Variants in CEP152 observed in about 807,000 individuals in gnomAD.
The protein encoded by CEP152 is centrosomal protein of 152 kDa.
CEP152 carries 132 observed loss-of-function variants against 188.9 expected under a neutral mutation model. The observed-to-expected ratio is 0.70, with a 90% CI of 0.61 to 0.81. The LOEUF (loss-of-function observed/expected upper bound fraction) is 0.81, where lower values mean the gene tolerates loss of function less well. CEP152 is among the 30% of genes least tolerant of loss of function. The probability of loss-of-function intolerance (pLI) is 0.00; values close to 1 mark genes in which losing one functional copy is unlikely to be tolerated. For synonymous variants in CEP152, 649 were observed against 666.6 expected (o/e 0.97, Z 0.41); for missense variants, 1,914 against 1,969.8 (o/e 0.97, Z 0.54).
chr15:48,765,635 A>AT, intron 17 of CEP152: 6 of 305,972 alleles, frequency 2.0e-5, no homozygotes, highest in African/African-American at 3.6e-5. Context: ...TGTTCTTGCC[A>AT]ATTTTTTTTT....
At position 48,797,515 on chromosome 15, in the gene CEP152, C is replaced by A; in HGVS notation, c.326G>T (p.Arg109Ile). 4 of 1,614,104 alleles carry A rather than the reference C, an allele frequency of 2.5e-6. No individual in the cohort carries two copies. Among genetic ancestry groups the A allele is most frequent in the Non-Finnish European group, 3.4e-6 (4 of 1,179,992 alleles). Reference sequence around the variant, plus strand: ...AGGATGTCGGTCTTCAGTTTTACTTCTATTTTCTTCCCAGACATTACCACA... The same window carrying A: ...AGGATGTCGGTCTTCAGTTTTACTTATATTTTCTTCCCAGACATTACCACA... ...EKCGNVWEEN[R>I]SKTEDRHPVY... The change falls in exon 5 of 27, where the codon AGA (arginine) becomes ATA (isoleucine). Residue 109 changes from arginine to isoleucine, a missense_variant. By Grantham distance (97) the Arg-to-Ile change is moderately conservative. Coordinates refer to ENST00000380950, the MANE Select transcript of CEP152 (RefSeq NM_001194998.2).
rs746137339 is a variant in CEP152, at chr15:48,762,625, C to T, written c.2328G>A (p.Lys776=). Residue 776 remains lysine (K), a synonymous_variant, in exon 18 of 27, where the codon AAG becomes AAA. Transcript: ENST00000380950. ...IQQLEKEWQS[K]LDQTIKAMKK... ...TCATTGCCTTTATAGTTTGATCCAGCTTAGACTGCCACTCCTTTTCAAGCT... is the reference window on the plus strand; with the variant it reads ...TCATTGCCTTTATAGTTTGATCCAGTTTAGACTGCCACTCCTTTTCAAGCT... The T allele has an allele frequency of 6.2e-7, 1 of 1,613,938 alleles. No individual in the cohort carries two copies. Among genetic ancestry groups the T allele is most frequent in the Non-Finnish European group, 8.5e-7 (1 of 1,179,984 alleles).
intron 19 of CEP152, 141 bp downstream of exon 19, chr15:48,759,994 G>T: frequency 9.5e-7 from 1 of 1,053,930 alleles, no homozygotes. Context: ...ACACTTGCTA[G>T]GCTTTGAGCT....
intron 21 of CEP152, among the ~76,000 whole-genome samples, chr15:48,750,828 T>C (rs1330883119): frequency 6.6e-6 from 1 of 152,144 alleles, no homozygotes; most frequent in Non-Finnish European, 1.5e-5. Context: ...AATTAAAACA[T>C]TAAAAAAGAC....
intron 20 of CEP152, among the ~76,000 whole-genome samples, chr15:48,754,262 GTCACACAGATGA>G (rs1401127991): frequency 6.6e-6 from 1 of 152,080 alleles, no homozygotes; most frequent in East Asian, 1.9e-4. Flanking sequence ...GCCTCATTAA[GTCACACAGATGA>G]TCTTATACTG....
intron 24 of CEP152, among the ~76,000 whole-genome samples, chr15:48,742,434 G>A (rs1309492756): frequency 6.6e-6 from 1 of 152,076 alleles, no homozygotes; most frequent in Non-Finnish European, 1.5e-5. Context: ...TATTTCAATT[G>A]TACATTATGT....
chr15:48,771,139 G>GT (rs1895502654), intron 13 of CEP152, among the ~76,000 whole-genome samples: 1 of 151,990 alleles, frequency 6.6e-6, no homozygotes, highest in Non-Finnish European at 1.5e-5. Flanking sequence ...ATATGGAAGG[G>GT]TAAAAAAAAG....
intron 12 of CEP152, among the ~76,000 whole-genome samples, chr15:48,775,042 T>C (rs1595656587): frequency 1.3e-5 from 2 of 151,492 alleles, no homozygotes; most frequent in African/African-American, 4.9e-5. Context: ...CAATAGAGTA[T>C]AGAGGACAAG....
At position 48,762,496 on chromosome 15, in the gene CEP152, TG is replaced by T; in HGVS notation, c.2456del (p.Thr819LysfsTer6). On this transcript the variant is annotated frameshift_variant, in exon 18 of 27. Transcript: ENST00000380950. LOFTEE classifies it high-confidence loss of function. ...TCTCTTGTTCTAAGTTTTGCTGGAT[TG>T]TGCACTTCTGCTCTTCTATCATAAT... The part of the protein sequence containing the change: ...MAIMIEEQKC[T>X]IQQNLEQEKD... 1 of 1,614,128 alleles carries T rather than the reference TG, an allele frequency of 6.2e-7. No individual in the cohort carries two copies. Among genetic ancestry groups the T allele is most frequent in the East Asian group, 2.2e-5 (1 of 44,856 alleles).
intron 8 of CEP152, 127 bp from the exon 9 acceptor site, chr15:48,789,128 G>C (rs1423209077): frequency 1.2e-6 from 1 of 846,616 alleles, no homozygotes; most frequent in Non-Finnish European, 1.9e-6. Flanking sequence ...AGTAGAGAAG[G>C]GGTCTCCGCT....
At chr15:48,780,840 G>A (rs1156912740) in intron 12 of CEP152, among the ~76,000 whole-genome samples, 1 of 152,114 alleles carries the variant, frequency 6.6e-6, no homozygotes, top group East Asian at 1.9e-4. Context: ...CGCAGCAAGT[G>A]CTTCTGAAGT....
chr15:48,789,050 T>G (rs749468386), intron 8 of CEP152, 49 bp from the exon 9 acceptor site: 5 of 1,477,180 alleles, frequency 3.4e-6, no homozygotes, highest in East Asian at 4.5e-5. Flanking sequence ...CACAGAGTAT[T>G]TTAGCTCTGT....
chr15:48,776,123 C>T (rs1941105630), intron 12 of CEP152, among the ~76,000 whole-genome samples: 1 of 151,746 alleles, frequency 6.6e-6, no homozygotes, highest in Non-Finnish European at 1.5e-5. Context: ...ATGGGCAGCT[C>T]GTGGCAATAT....
At chr15:48,751,176 GTTTGTT>G (rs1007827675) in intron 21 of CEP152, among the ~76,000 whole-genome samples, 4 of 151,924 alleles carry the variant, frequency 2.6e-5, no homozygotes, top group African/African-American at 9.7e-5. Context: ...TTATTAATGT[GTTTGTT>G]TTTAAGGGAA....
chr15:48,772,280 G>T (rs201930708), intron 13 of CEP152, among the ~76,000 whole-genome samples: 1 of 152,010 alleles, frequency 6.6e-6, no homozygotes. Context: ...GCATAGTGGC[G>T]TGCGCCTGTG....
In CEP152 at chr15:48,802,110, A is replaced by G. The variant is rs947484357; in HGVS notation, c.87+3453T>C. Among the ~76,000 whole-genome samples, 6 of 151,998 alleles carry G rather than the reference A, an allele frequency of 3.9e-5. No individual in the cohort carries two copies. In the East Asian group the frequency reaches 7.7e-4, roughly 20 times the overall value. On this transcript the variant is annotated intron_variant, in intron 2 of 26. Coordinates refer to ENST00000380950, the MANE Select transcript of CEP152 (RefSeq NM_001194998.2). ...ATCTCAAAAAAAAAAAAAAAGAACT[A>G]TATCTCTGTAATATCCAACTGTGCA...
chr15:48,809,079 A>G (rs1412925455), intron 1 of CEP152, among the ~76,000 whole-genome samples: 1 of 152,200 alleles, frequency 6.6e-6, no homozygotes. Context: ...TCCTTGCAAC[A>G]AAAGCAATGG....
chr15:48,767,156 A>G lies in CEP152; in HGVS notation c.2184T>C (p.Ala728=), dbSNP rs1369468437. The part of the protein sequence containing the change: ...ELDKLNKEVT[A]VQECYLEVCR... Reference sequence around the variant, plus strand: ...ACACTTCTAGGTAACATTCCTGCACAGCAGTCACCTCCTTATTCAACTTAT... The same window carrying G: ...ACACTTCTAGGTAACATTCCTGCACGGCAGTCACCTCCTTATTCAACTTAT... The change falls in exon 17 of 27, where the codon GCT becomes GCC. Residue 728 remains alanine (A), a synonymous_variant. Transcript: ENST00000380950. 6.2e-7 allele frequency: 1 copy of G among 1,613,904 alleles called. No individual in the cohort carries two copies. The highest frequency in any genetic ancestry group is 1.7e-5 in the Admixed American group (1 of 60,028).
intron 18 of CEP152, among the ~76,000 whole-genome samples, 183 bp downstream of exon 18, chr15:48,762,208 T>G (rs1894735930): frequency 1.3e-5 from 2 of 152,064 alleles, no homozygotes; most frequent in Admixed American, 1.3e-4. Flanking sequence ...AACCGAGGGG[T>G]GGCAGCTTTA....
Sources: gnomAD v4.1 joint callset for allele counts (sites outside exome capture counted in the v4.1 genomes callset) on GRCh38, gnomAD v4.1.1 for gene constraint, MANE v1.5 for transcripts, NCBI Gene and HGNC (gene_info 2026-07-23, HGNC 2026-07-21) for gene names.